The following BICDL1 variants were observed in gnomAD, a reference collection of about 807,000 sequenced individuals.
BICDL1 encodes the protein BICD family-like cargo adapter 1.
BICDL1 carries 20 observed loss-of-function variants against 76.8 expected under a neutral mutation model. The ratio of observed to expected loss-of-function variants is 0.26; its 90% CI spans 0.18 to 0.38. The LOEUF (loss-of-function observed/expected upper bound fraction) is 0.38, where lower values mean the gene tolerates loss of function less well. Among genes scored for constraint, BICDL1 ranks in the 10% least tolerant of loss-of-function variants. The pLI is 1.00. For missense variants in BICDL1, 700 were observed against 798.6 expected, an observed-to-expected ratio of 0.88 and a Z score of 1.49; for synonymous variants, 383 against 337.1, an observed-to-expected ratio of 1.14 and a Z score of -1.49.
At chr12:120,078,030 C>T (rs1873698389) in intron 7 of BICDL1, among the ~76,000 whole-genome samples, 1 of 152,204 alleles carries the variant, frequency 6.6e-6, no homozygotes, top group South Asian at 2.1e-4. Context: ...GTGGCACATG[C>T]ACCCCATGCT....
At chr12:120,039,528 C>T (rs1270850139) in intron 2 of BICDL1, among the ~76,000 whole-genome samples, 2 of 148,538 alleles carry the variant, frequency 1.3e-5, no homozygotes, top group African/African-American at 2.5e-5. Flanking sequence ...ATCCCAGCTA[C>T]TCAGGAGGCT....
At chr12:120,061,915 C>T in intron 3 of BICDL1, 89 bp downstream of exon 3, 1 of 813,938 alleles carries the variant, frequency 1.2e-6, no homozygotes, top group South Asian at 1.5e-5. Flanking sequence ...GGCCTAAAAT[C>T]TCTACAGAAA....
chr12:120,021,970 A>C (rs1566222702), intron 2 of BICDL1, among the ~76,000 whole-genome samples: 1 of 149,700 alleles, frequency 6.7e-6, no homozygotes, highest in African/African-American at 2.4e-5. Flanking sequence ...AAAATATAAA[A>C]AAATAAATAA....
At chr12:120,063,352 ATTTC>A (rs202087468) in intron 3 of BICDL1, among the ~76,000 whole-genome samples, 5 of 152,104 alleles carry the variant, frequency 3.3e-5, no homozygotes, top group East Asian at 1.9e-4. Flanking sequence ...GAGAGACAAT[ATTTC>A]TTTGTTTGGC....
At chr12:119,996,339 C>G (rs1951644874) in intron 1 of BICDL1, among the ~76,000 whole-genome samples, 1 of 152,160 alleles carries the variant, frequency 6.6e-6, no homozygotes, top group African/African-American at 2.4e-5. Flanking sequence ...CTTTCAGAAA[C>G]ATTCAAAAGT....
intron 2 of BICDL1, 22 bp from the exon 3 acceptor site, chr12:120,061,688 C>T: frequency 2.0e-6 from 3 of 1,525,950 alleles, no homozygotes; most frequent in Non-Finnish European, 1.8e-6. Context: ...CGAATCAGCT[C>T]TGCAGGTCTC....
intron 2 of BICDL1, among the ~76,000 whole-genome samples, chr12:120,055,194 A>G (rs915158439): frequency 7.9e-5 from 12 of 152,226 alleles, no homozygotes; most frequent in Non-Finnish European, 1.6e-4. Flanking sequence ...GCAAAATATT[A>G]AAATAGTAGA....
chr12:120,008,317 C>A (rs1448600230), intron 2 of BICDL1, among the ~76,000 whole-genome samples: 1 of 152,020 alleles, frequency 6.6e-6, no homozygotes, highest in East Asian at 1.9e-4. Context: ...AGCCACCATT[C>A]TTGGCTAATT....
chr12:119,990,352 C>A, intron 1 of BICDL1, 55 bp downstream of exon 1: 1 of 1,539,054 alleles, frequency 6.5e-7, no homozygotes, highest in South Asian at 1.2e-5. Flanking sequence ...AGGCACGCGC[C>A]CGGCCCTGGG....
intron 6 of BICDL1, among the ~76,000 whole-genome samples, chr12:120,073,614 G>C (rs975970690): frequency 6.6e-6 from 1 of 152,102 alleles, no homozygotes; most frequent in African/African-American, 2.4e-5. Context: ...ATTTCTCCCC[G>C]ACTTACCCTC....
intron 6 of BICDL1, 132 bp downstream of exon 6, chr12:120,072,861 C>T (rs1873214991): frequency 5.1e-6 from 4 of 785,550 alleles, no homozygotes; most frequent in African/African-American, 1.7e-5. Flanking sequence ...CTTCTGAGCC[C>T]TTATTGGTTG....
intron 7 of BICDL1, among the ~76,000 whole-genome samples, chr12:120,077,045 A>T (rs1422171609): frequency 6.6e-6 from 1 of 152,214 alleles, no homozygotes. Flanking sequence ...GTTAGGTGGG[A>T]CTGAGGTTCT....
intron 9 of BICDL1, chr12:120,091,856 C>T: frequency 1.0e-6 from 1 of 985,380 alleles, no homozygotes; most frequent in African/African-American, 1.7e-5. Flanking sequence ...TTCATGCCCT[C>T]ATCTCGTCAG....
chr12:120,064,559 G>T, intron 3 of BICDL1, 174 bp from the exon 4 acceptor site: 1 of 499,146 alleles, frequency 2.0e-6, no homozygotes, highest in Non-Finnish European at 3.3e-6. Flanking sequence ...TAGAGGGGAG[G>T]GGTTTTCTCT....
At chr12:120,088,646 C>A (rs183128729) in intron 8 of BICDL1, among the ~76,000 whole-genome samples, 5 of 151,292 alleles carry the variant, frequency 3.3e-5, no homozygotes, top group African/African-American at 1.2e-4. Flanking sequence ...CACGAGCCAC[C>A]GCGCCTGGCC....
rs1952826825 is a variant in BICDL1 at position 120,050,197 on chromosome 12, G to GTATTGTGTTATGTA, written c.646-11512_646-11511insATTGTGTTATGTAT. On this transcript the variant is annotated intron_variant, in intron 2 of 9. Coordinates refer to ENST00000548673, the MANE Select transcript of BICDL1 (RefSeq NM_001367886.1). Reference sequence around the variant, plus strand: ...AGGTTTTTATATATTCTGAATACAAGTCAGATATATGTGTTATAAACATTT... The same window carrying GTATTGTGTTATGTA: ...AGGTTTTTATATATTCTGAATACAAGTATTGTGTTATGTATCAGATATATGTGTTATAAACATTT... Among the ~76,000 whole-genome samples the GTATTGTGTTATGTA allele has an allele frequency of 3.1e-4, 47 of 151,452 alleles. No homozygotes were observed. In the South Asian group the frequency reaches 9.6e-3, roughly 31 times the overall value.
intron 2 of BICDL1, among the ~76,000 whole-genome samples, chr12:120,031,579 G>A (rs1952424869): frequency 6.6e-6 from 1 of 152,074 alleles, no homozygotes; most frequent in East Asian, 1.9e-4. Flanking sequence ...GAAGATATCA[G>A]TATACTTTAT....
chr12:119,994,609 C>T (rs993252602), intron 1 of BICDL1, among the ~76,000 whole-genome samples: 7 of 152,230 alleles, frequency 4.6e-5, no homozygotes, highest in Non-Finnish European at 8.8e-5. Flanking sequence ...CCTGCCTCAG[C>T]CTCCTGAGTA....
intron 2 of BICDL1, among the ~76,000 whole-genome samples, chr12:120,037,693 A>G (rs1467387375): frequency 6.6e-6 from 1 of 152,238 alleles, no homozygotes; most frequent in Non-Finnish European, 1.5e-5. Flanking sequence ...TTAATCTCCT[A>G]ACTCTTCCTG....
Sources: gnomAD v4.1 joint callset for allele counts (sites outside exome capture counted in the v4.1 genomes callset) on GRCh38, gnomAD v4.1.1 for gene constraint, MANE v1.5 for transcripts, NCBI Gene and HGNC (gene_info 2026-07-23, HGNC 2026-07-21) for gene names.